The following PHACTR2 variants were observed in gnomAD, a reference collection of about 807,000 sequenced individuals.
PHACTR2 encodes phosphatase and actin regulator 2, also known as chromosome 6 open reading frame 56.
Under a neutral mutation model 76.0 loss-of-function variants are expected in PHACTR2, and 30 were observed. The ratio of observed to expected loss-of-function variants is 0.39; its 90% CI spans 0.30 to 0.54. The LOEUF (loss-of-function observed/expected upper bound fraction) is 0.54. Among genes scored for constraint, PHACTR2 ranks in the 20% least tolerant of loss-of-function variants. The pLI, the probability that PHACTR2 is intolerant of heterozygous loss-of-function variation, is 0.61. For missense variants in PHACTR2, 696 were observed against 781.1 expected (o/e 0.89, Z 1.30); for synonymous variants, 292 against 292.5 (o/e 1.00, Z 0.02).
In PHACTR2 at chr6:143,659,568, C is replaced by T. The variant is rs1421053623; in HGVS notation, c.13+51246C>T. Among the ~76,000 whole-genome samples the T allele has an allele frequency of 6.6e-6, 1 of 152,186 alleles. No homozygotes were observed. The highest frequency in any genetic ancestry group is 6.5e-5 in the Admixed American group (1 of 15,282). Reference sequence around the variant, plus strand: ...GGTTGCCCTCTGTTCCTTGTCCTTTCCATGTGGCAGCTCACAACATGGCAG... The same window carrying T: ...GGTTGCCCTCTGTTCCTTGTCCTTTTCATGTGGCAGCTCACAACATGGCAG... On this transcript the variant is annotated intron_variant, in intron 1 of 11. Coordinates refer to the PHACTR2 transcript ENST00000305766. The surrounding 1 kb of genome is among the most constrained non-coding windows in gnomAD (Gnocchi z 5.0).
rs1026526928 is a variant in PHACTR2 at position 143,671,598 on chromosome 6, C to T, written c.14-40418C>T. Among the ~76,000 whole-genome samples, 1 of 152,140 alleles carries T rather than the reference C, an allele frequency of 6.6e-6. No individual in the cohort carries two copies. Among genetic ancestry groups the T allele is most frequent in the South Asian group, 2.1e-4 (1 of 4,828 alleles). On this transcript the variant is annotated intron_variant, in intron 1 of 11. Coordinates refer to the PHACTR2 transcript ENST00000305766. The surrounding 1 kb of genome is among the most constrained non-coding windows in gnomAD (Gnocchi z 4.6). ...TGTTTACTGCTTATTTTCTGTCATT[C>T]CATTAGAAGGGAAGCTCTATGAGTG... is the stretch of plus-strand genomic sequence containing the variant.
At chr6:143,579,590 A>C (rs1339948972) in intron 1 of PHACTR2, among the ~76,000 whole-genome samples, 1 of 152,098 alleles carries the variant, frequency 6.6e-6, no homozygotes, top group Non-Finnish European at 1.5e-5. Context: ...CCAATAAGGC[A>C]CCATCTCAGA....
chr6:143,768,571 C>G (rs1775012520), intron 6 of PHACTR2, among the ~76,000 whole-genome samples: 1 of 152,224 alleles, frequency 6.6e-6, no homozygotes, highest in South Asian at 2.1e-4. Context: ...GGTGGCCTGA[C>G]TCTATCCCGT....
rs1021492271 is a variant in PHACTR2 at position 143,648,924 on chromosome 6, G to A, written c.13+40602G>A. Among the ~76,000 whole-genome samples, 6 of 145,456 alleles carry A rather than the reference G, an allele frequency of 4.1e-5. No individual in the cohort carries two copies. The highest frequency in any genetic ancestry group is 1.5e-4 in the African/African-American group (6 of 39,150). Reference sequence around the variant, plus strand: ...TGTGTGTGTCTGTCTGGGTCTATGTGTATGTCTATGTCTATGTATGTTTGT... The same window carrying A: ...TGTGTGTGTCTGTCTGGGTCTATGTATATGTCTATGTCTATGTATGTTTGT... On this transcript the variant is annotated intron_variant, in intron 1 of 11. Transcript: ENST00000305766. The surrounding 1 kb of genome is among the most constrained non-coding windows in gnomAD (Gnocchi z 6.7).
chr6:143,625,837 A>G lies in PHACTR2; in HGVS notation c.13+17515A>G, dbSNP rs1449301483. ...ACAGACAGTGACCAGATCAACAAGT[A>G]AATGTATGATAAAATGCCAGGAAGT... On this transcript the variant is annotated intron_variant, in intron 1 of 11. Coordinates refer to the PHACTR2 transcript ENST00000305766. The surrounding 1 kb of genome is among the most constrained non-coding windows in gnomAD (Gnocchi z 4.3). Among the ~76,000 whole-genome samples the G allele has an allele frequency of 6.6e-6, 1 of 152,184 alleles. No homozygotes were observed. Among genetic ancestry groups the G allele is most frequent in the Non-Finnish European group, 1.5e-5 (1 of 68,028 alleles).
Position 143,800,359 on chromosome 6 carries a change from T to A in PHACTR2, c.1846-6698T>A, listed in dbSNP as rs1775926456. Among the ~76,000 whole-genome samples, 1 of 152,128 alleles carries A rather than the reference T, an allele frequency of 6.6e-6. No individual in the cohort carries two copies. Among genetic ancestry groups the A allele is most frequent in the Admixed American group, 6.5e-5 (1 of 15,270 alleles). ...TCACAGCAAGCTCCGCCTCCCAGGG[T>A]CACCCTATTCTCCTGCCTCAGCCTC... On this transcript the variant is annotated intron_variant, in intron 11 of 12. Transcript: ENST00000440869. This position sits in a 1 kb window ranked among gnomAD's most constrained non-coding sequence, Gnocchi z 4.8.
Position 143,666,139 on chromosome 6 carries a change from G to A in PHACTR2, c.14-45877G>A, listed in dbSNP as rs548911238. Among the ~76,000 whole-genome samples, 10 of 151,690 alleles carry A rather than the reference G, an allele frequency of 6.6e-5. 1 individual carries two copies. The highest frequency in any genetic ancestry group is 2.1e-4 in the South Asian group (1 of 4,814). ...GAGAACATGTGGTGTTTGGTTTTCC[G>A]TTCCTGTGTGAATTTGCTGAGGATG... On this transcript the variant is annotated intron_variant, in intron 1 of 11. Coordinates refer to the PHACTR2 transcript ENST00000305766.
Position 143,818,615 on chromosome 6 carries a change from T to C in PHACTR2, c.1923-5059T>C, listed in dbSNP as rs1776350819. Among the ~76,000 whole-genome samples the C allele has an allele frequency of 2.6e-5, 4 of 152,182 alleles. No homozygotes were observed. Among genetic ancestry groups the C allele is most frequent in the Admixed American group, 2.6e-4 (4 of 15,272 alleles). The stretch of plus-strand genomic sequence containing the variant: ...GATTTAATTGACTCACAGTTCCATG[T>C]GGCTGGGGAGGTCTCAGGAAACCTG... On this transcript the variant is annotated intron_variant, in intron 12 of 12. Transcript: ENST00000440869. This position sits in a 1 kb window ranked among gnomAD's most constrained non-coding sequence, Gnocchi z 4.9.
upstream of PHACTR2, chr6:143,608,050 G>A: frequency 1.9e-6 from 1 of 534,256 alleles, no homozygotes; most frequent in Non-Finnish European, 3.4e-6. This position sits in a 1 kb window ranked among gnomAD's most constrained non-coding sequence, Gnocchi z 4.6. Flanking sequence ...GCTTAGAGCA[G>A]AGGTGGAAAC....
chr6:143,581,909 A>G lies in PHACTR2; in HGVS notation c.217+44702A>G, dbSNP rs756815992. 2.6e-5 allele frequency among the ~76,000 whole-genome samples: 4 copies of G among 152,080 alleles called. No individual in the cohort carries two copies. The highest frequency in any genetic ancestry group is 4.8e-5 in the African/African-American group (2 of 41,398). ...TAGATGAACCCAGTCTATTTTTTGC[A>G]GTTATACATGGGGATGGCAAAAGGC... On this transcript the variant is annotated intron_variant, in intron 1 of 11. Coordinates refer to the PHACTR2 transcript ENST00000367584. The surrounding 1 kb of genome is among the most constrained non-coding windows in gnomAD (Gnocchi z 4.5).
Position 143,748,998 on chromosome 6 carries a change from G to C in PHACTR2, c.228G>C (p.Lys76Asn). ...TCTTTTTAAAAGTATTAGAAAGGAA[G>C]ATATCCACACGACAAAGTAGAGAGG... Reference protein sequence around the residue: ...FRETSAVLERKISTRQSREEL... With the variant: ...FRETSAVLERNISTRQSREEL... Residue 76 changes from lysine to asparagine, a missense_variant, in exon 3 of 13, where the codon AAG (lysine) becomes AAC (asparagine). By Grantham distance (94) the Lys-to-Asn change is moderately conservative. Transcript: ENST00000440869. 2 of 1,556,592 alleles carry C rather than the reference G, an allele frequency of 1.3e-6. No individual in the cohort carries two copies. The highest frequency in any genetic ancestry group is 1.8e-6 in the Non-Finnish European group (2 of 1,128,482).
chr6:143,613,117 C>T (rs904523239), intron 1 of PHACTR2, among the ~76,000 whole-genome samples: 28 of 152,378 alleles, frequency 1.8e-4, no homozygotes, highest in Admixed American at 1.4e-3. Flanking sequence ...GCTGGGACTA[C>T]AGGCGCCTGC....
In PHACTR2 at chr6:143,653,485, C is replaced by A. The variant is rs1582738958; in HGVS notation, c.13+45163C>A. Among the ~76,000 whole-genome samples, 1 of 152,006 alleles carries A rather than the reference C, an allele frequency of 6.6e-6. No homozygotes were observed. Among genetic ancestry groups the A allele is most frequent in the Non-Finnish European group, 1.5e-5 (1 of 68,022 alleles). On this transcript the variant is annotated intron_variant, in intron 1 of 11. Coordinates refer to the PHACTR2 transcript ENST00000305766. The surrounding 1 kb of genome is among the most constrained non-coding windows in gnomAD (Gnocchi z 4.9). Reference sequence around the variant, plus strand: ...GGCCTGAAAGAATTCATTGCAGCTTCCCACATGCAAAGTTTATTTTCGGAG... The same window carrying A: ...GGCCTGAAAGAATTCATTGCAGCTTACCACATGCAAAGTTTATTTTCGGAG...
rs1193232970 is a variant in PHACTR2, at chr6:143,809,525, G to A, written c.1922+2392G>A. Among the ~76,000 whole-genome samples the A allele has an allele frequency of 6.6e-6, 1 of 151,850 alleles. No homozygotes were observed. The highest frequency in any genetic ancestry group is 2.4e-5 in the African/African-American group (1 of 41,340). ...TGCACCTGGCTTCTTTTTTATATAT[G>A]TATTTGTATGTACAAAAATAATATA... On this transcript the variant is annotated intron_variant, in intron 12 of 12. Coordinates refer to ENST00000440869, the MANE Select transcript of PHACTR2 (RefSeq NM_001100164.2). This position sits in a 1 kb window ranked among gnomAD's most constrained non-coding sequence, Gnocchi z 4.2.
chr6:143,558,233 T>C lies in PHACTR2; in HGVS notation c.217+21026T>C, dbSNP rs1775207877. On this transcript the variant is annotated intron_variant, in intron 1 of 11. Coordinates refer to the PHACTR2 transcript ENST00000367584. This position sits in a 1 kb window ranked among gnomAD's most constrained non-coding sequence, Gnocchi z 4.7. ...TGTAAGAAAAAAAAGTTATCCTGGA[T>C]ATATTTGATGATATTAAGGAATTAA... 1 of 152,202 alleles carries C rather than the reference T, an allele frequency of 6.6e-6. No homozygotes were observed. Among genetic ancestry groups the C allele is most frequent in the Non-Finnish European group, 1.5e-5 (1 of 68,036 alleles). 9.4% of individuals were successfully genotyped at this position (152,202 alleles called of 1,614,324 possible).
rs1775779045 is a variant in PHACTR2, at chr6:143,794,264, A to AT, written c.1845+5355dup. Among the ~76,000 whole-genome samples the AT allele has an allele frequency of 1.3e-5, 2 of 151,392 alleles. No homozygotes were observed. Among genetic ancestry groups the AT allele is most frequent in the African/African-American group, 4.8e-5 (2 of 41,350 alleles). On this transcript the variant is annotated intron_variant, in intron 11 of 12. Transcript: ENST00000440869. This position sits in a 1 kb window ranked among gnomAD's most constrained non-coding sequence, Gnocchi z 4.1. ...TTTAGAATGAAAATAACACATGCTAATCACCATTATTAACAAGCATTTCTG... is the reference window on the plus strand; with the variant it reads ...TTTAGAATGAAAATAACACATGCTAATTCACCATTATTAACAAGCATTTCTG...
chr6:143,566,345 G>A (rs184487368), intron 1 of PHACTR2, among the ~76,000 whole-genome samples: 1 of 151,798 alleles, frequency 6.6e-6, no homozygotes, highest in East Asian at 1.9e-4. Context: ...CCAGGCTGGA[G>A]TTCAGTGGTA....
chr6:143,745,782 GA>G (rs1464892091), intron 2 of PHACTR2, among the ~76,000 whole-genome samples: 1 of 152,200 alleles, frequency 6.6e-6, no homozygotes, highest in Non-Finnish European at 1.5e-5. Flanking sequence ...CGCTCTCAGC[GA>G]AAGACCAAAC....
At chr6:143,763,366 A>G (rs1020891112) in intron 5 of PHACTR2, among the ~76,000 whole-genome samples, 33 of 152,212 alleles carry the variant, frequency 2.2e-4, no homozygotes, top group Admixed American at 2.1e-3. Flanking sequence ...CTCAAAAAAA[A>G]CAAAAAAAAA....
Sources: allele counts gnomAD v4.1 joint callset (sites outside exome capture counted in the v4.1 genomes callset), GRCh38; gene constraint gnomAD v4.1.1; non-coding constraint Gnocchi (gnomAD v3.1); transcripts MANE v1.5; gene names NCBI Gene and HGNC (gene_info 2026-07-23, HGNC 2026-07-21).